The following DYNC1LI2 variants were observed in gnomAD, a reference collection of about 807,000 sequenced individuals.
The protein encoded by DYNC1LI2 is dynein cytoplasmic 1 light intermediate chain 2.
Under a neutral mutation model 57.8 loss-of-function variants are expected in DYNC1LI2, and 19 were observed. The ratio of observed to expected loss-of-function variants is 0.33; its 90% CI spans 0.23 to 0.48. The LOEUF is 0.48. Ranked by LOEUF, DYNC1LI2 falls within the 20% of genes least tolerant of loss-of-function variation. DYNC1LI2 has a pLI of 0.99. For missense variants in DYNC1LI2, 470 were observed against 604.2 expected (o/e 0.78, Z 2.33); for synonymous variants, 256 against 233.4 (o/e 1.10, Z -0.88).
Position 66,723,183 on chromosome 16 carries a change from C to T in DYNC1LI2, c.*539G>A, listed in dbSNP as rs2144961453. The T allele has an allele frequency of 8.6e-6, 3 of 350,264 alleles. No individual in the cohort carries two copies. Among genetic ancestry groups the T allele is most frequent in the Middle Eastern group, 3.9e-4 (1 of 2,560 alleles). 21.7% of individuals were successfully genotyped at this position (350,264 alleles called of 1,614,324 possible). A position where few individuals can be genotyped will look rare whatever the true frequency, so the allele number is the denominator to read the frequency against. ...GCTTCTAACAATGATTCTTCAACTT[C>T]TACTGAATGCACAGTATTTACTGAC... On this transcript the variant is annotated 3_prime_UTR_variant, in exon 13 of 13. Coordinates refer to ENST00000258198, the MANE Select transcript of DYNC1LI2 (RefSeq NM_006141.3).
At chr16:66,740,290 G>T (rs2045014135) in intron 4 of DYNC1LI2, among the ~76,000 whole-genome samples, 1 of 152,132 alleles carries the variant, frequency 6.6e-6, no homozygotes, top group African/African-American at 2.4e-5. Flanking sequence ...ACTGGTGTTG[G>T]ACTGGAAACC....
At chr16:66,728,387 A>T in intron 9 of DYNC1LI2, 145 bp from the exon 10 acceptor site, 1 of 876,404 alleles carries the variant, frequency 1.1e-6, no homozygotes, top group Non-Finnish European at 1.7e-6. Flanking sequence ...ATGCCAAAAA[A>T]TTTTAATTGA....
rs2017445271 is a variant in DYNC1LI2, at chr16:66,721,134, T to G, written c.*2588A>C. The G allele has an allele frequency of 6.6e-6, 1 of 152,628 alleles. No individual in the cohort carries two copies. Among genetic ancestry groups the G allele is most frequent in the African/African-American group, 2.4e-5 (1 of 41,446 alleles). 9.5% of individuals were successfully genotyped at this position (152,628 alleles called of 1,614,324 possible). A position where few individuals can be genotyped will look rare whatever the true frequency, so the allele number is the denominator to read the frequency against. On this transcript the variant is annotated 3_prime_UTR_variant, in exon 13 of 13. Coordinates refer to ENST00000258198, the MANE Select transcript of DYNC1LI2 (RefSeq NM_006141.3). The stretch of plus-strand genomic sequence containing the variant: ...CATTAACATTGTTAAGGTCATGATG[T>G]ACAGAGCAGTCACTTTCAACTTTGT...
At position 66,727,694 on chromosome 16, in the gene DYNC1LI2, TG is replaced by T; in HGVS notation, c.1254del (p.Asn418LysfsTer20). ...ACTTTTGAGGAATACATACTTTTGA[TG>T]TTTGGGTCCGGCTTTTTTACTGACG... ...PGTSVKKPDPNIKNNAASEGV... is the reference protein window; with the variant it reads ...PGTSVKKPDPXIKNNAASEGV... On this transcript the variant is annotated frameshift_variant, in exon 11 of 13. Transcript: ENST00000258198. LOFTEE classifies it high-confidence loss of function. 1 of 1,614,076 alleles carries T rather than the reference TG, an allele frequency of 6.2e-7. No individual in the cohort carries two copies. The highest frequency in any genetic ancestry group is 8.5e-7 in the Non-Finnish European group (1 of 1,179,954).
At chr16:66,740,429 C>T (rs2017815750) in intron 4 of DYNC1LI2, among the ~76,000 whole-genome samples, 1 of 152,160 alleles carries the variant, frequency 6.6e-6, no homozygotes, top group Non-Finnish European at 1.5e-5. Context: ...CCAGTACTAA[C>T]AAAGGCTCCT....
At chr16:66,726,743 G>C (rs554673545) in intron 11 of DYNC1LI2, among the ~76,000 whole-genome samples, 63 of 152,276 alleles carry the variant, frequency 4.1e-4, no homozygotes, top group African/African-American at 1.4e-3. Context: ...CCAGGATTAA[G>C]CCGTTCTCCT....
At chr16:66,735,382 C>A (rs1352154256) in intron 5 of DYNC1LI2, among the ~76,000 whole-genome samples, 1 of 151,960 alleles carries the variant, frequency 6.6e-6, no homozygotes, top group Non-Finnish European at 1.5e-5. Flanking sequence ...ATTACATGAG[C>A]CACCATGTCT....
chr16:66,727,668 T>C lies in DYNC1LI2; in HGVS notation c.1261+20A>G. 1 of 1,611,974 alleles carries C rather than the reference T, an allele frequency of 6.2e-7. No homozygotes were observed. Among genetic ancestry groups the C allele is most frequent in the South Asian group, 1.1e-5 (1 of 90,892 alleles). On this transcript the variant is annotated intron_variant, in intron 11 of 12. Coordinates refer to ENST00000258198, the MANE Select transcript of DYNC1LI2 (RefSeq NM_006141.3). ...AACTAAACTACTCTCCAAAGAGACATACTTTTGAGGAATACATACTTTTGA... is the reference window on the plus strand; with the variant it reads ...AACTAAACTACTCTCCAAAGAGACACACTTTTGAGGAATACATACTTTTGA...
rs1441859083 is a variant in DYNC1LI2, at chr16:66,722,509, T to G, written c.*1213A>C. 1.3e-5 allele frequency: 2 copies of G among 152,568 alleles called. No individual in the cohort carries two copies. Among genetic ancestry groups the G allele is most frequent in the Non-Finnish European group, 2.9e-5 (2 of 68,032 alleles). 9.5% of individuals were successfully genotyped at this position (152,568 alleles called of 1,614,324 possible). The stretch of plus-strand genomic sequence containing the variant: ...CCCTAGGTGGGGAGACACCTGAAAC[T>G]CTTATTTCCATAAGAAAAAAAATGC... On this transcript the variant is annotated 3_prime_UTR_variant, in exon 13 of 13. Coordinates refer to ENST00000258198, the MANE Select transcript of DYNC1LI2 (RefSeq NM_006141.3).
In DYNC1LI2 at chr16:66,729,055, G is replaced by A. The variant is rs756728792; in HGVS notation, c.1086C>T (p.Phe362=). ...KELAAEDEQV[F]LMKQQSLLAK... ...GTCTTCTTACCTGTTGCTTCATTAG[G>A]AACACCTGCTCATCTTCTGCTGCCA... The change falls in exon 9 of 13, where the codon TTC becomes TTT. Residue 362 remains phenylalanine, a synonymous_variant. Transcript: ENST00000258198. 17 of 1,614,030 alleles carry A rather than the reference G, an allele frequency of 1.1e-5. No individual in the cohort carries two copies. The Admixed American group carries it at 1.3e-4, about 13-fold the overall frequency.
At chr16:66,734,425 G>A in intron 5 of DYNC1LI2, 114 bp from the exon 6 acceptor site, 1 of 977,466 alleles carries the variant, frequency 1.0e-6, no homozygotes. Flanking sequence ...CCACAGCTCA[G>A]GGTCCAAGCA....
intron 3 of DYNC1LI2, among the ~76,000 whole-genome samples, chr16:66,742,995 C>G (rs548323366): frequency 6.6e-6 from 1 of 152,002 alleles, no homozygotes; most frequent in South Asian, 2.1e-4. Context: ...CCCATCTCTA[C>G]TAAAAGTACA....
rs1054841564 is a variant in DYNC1LI2, at chr16:66,751,424, C to G, written c.107+61G>C. 2 of 1,588,180 alleles carry G rather than the reference C, an allele frequency of 1.3e-6. No individual in the cohort carries two copies. The highest frequency in any genetic ancestry group is 3.5e-5 in the Admixed American group (2 of 56,780). ...GGCTCGCGTCGGCCCCTCAGTGTGT[C>G]CGACGGTCCGGCCCAGAGGCCGCGC... On this transcript the variant is annotated intron_variant, in intron 1 of 12. Transcript: ENST00000258198. This position sits in a 1 kb window ranked among gnomAD's most constrained non-coding sequence, Gnocchi z 5.2.
intron 2 of DYNC1LI2, among the ~76,000 whole-genome samples, chr16:66,750,007 T>C (rs2018013762): frequency 6.6e-6 from 1 of 152,192 alleles, no homozygotes; most frequent in Admixed American, 6.5e-5. Context: ...TAATATGGAA[T>C]TACAGAACAT....
Position 66,729,009 on chromosome 16 carries a change from G to T in DYNC1LI2, c.1101+31C>A, listed in dbSNP as rs370123745. Reference sequence around the variant, plus strand: ...GGACTGGCATTTCATGCATGAGAAGGCCTCTGTTCTAACCTCACTGGTCTT... The same window carrying T: ...GGACTGGCATTTCATGCATGAGAAGTCCTCTGTTCTAACCTCACTGGTCTT... On this transcript the variant is annotated intron_variant, in intron 9 of 12. Coordinates refer to ENST00000258198, the MANE Select transcript of DYNC1LI2 (RefSeq NM_006141.3). 7.3e-5 allele frequency: 118 copies of T among 1,611,640 alleles called. No individual in the cohort carries two copies. In the African/African-American group the frequency reaches 1.5e-3, roughly 20 times the overall value.
At position 66,727,763 on chromosome 16, in the gene DYNC1LI2, C is replaced by T; in HGVS notation, c.1186G>A (p.Gly396Ser). 6.2e-7 allele frequency: 1 copy of T among 1,614,034 alleles called. No individual in the cohort carries two copies. Among genetic ancestry groups the T allele is most frequent in the Non-Finnish European group, 8.5e-7 (1 of 1,179,984 alleles). Residue 396 changes from glycine to serine, a missense_variant, in exon 11 of 13, where the codon GGT (glycine) becomes AGT (serine). Transcript: ENST00000258198. ...GGCACACTGGCTGGCCCTCCCCGAC[C>T]CTGGGTCCTTGGAGAGCCAGAGGGT... ...RGPSGSPRTQ[G>S]RGGPASVPSS...
intron 11 of DYNC1LI2, among the ~76,000 whole-genome samples, chr16:66,727,172 C>A (rs1444149679): frequency 6.6e-6 from 1 of 152,150 alleles, no homozygotes; most frequent in African/African-American, 2.4e-5. Context: ...CCCACCTTGG[C>A]CTCCCAGAGT....
At chr16:66,724,231 C>T (rs1256475283) in intron 12 of DYNC1LI2, among the ~76,000 whole-genome samples, 1 of 152,190 alleles carries the variant, frequency 6.6e-6, no homozygotes, top group Non-Finnish European at 1.5e-5. Flanking sequence ...TTGTTTATAA[C>T]ATTCTAGACT....
intron 5 of DYNC1LI2, among the ~76,000 whole-genome samples, chr16:66,735,500 TC>T (rs948035559): frequency 1.0e-4 from 14 of 140,416 alleles, no homozygotes; most frequent in African/African-American, 4.6e-4. Flanking sequence ...TGCTGTGAGT[TC>T]TTTTTTTTTT....
Sources: allele counts gnomAD v4.1 joint callset (sites outside exome capture counted in the v4.1 genomes callset), GRCh38; gene constraint gnomAD v4.1.1; non-coding constraint Gnocchi (gnomAD v3.1); transcripts MANE v1.5; gene names NCBI Gene and HGNC (gene_info 2026-07-23, HGNC 2026-07-21).